APBB2: variants seen among roughly 807,000 people sequenced by gnomAD.
APBB2 encodes Fe65-like 1.
Under a neutral mutation model 82.5 loss-of-function variants are expected in APBB2, and 38 were observed. The observed-to-expected ratio is 0.46, with a 90% CI of 0.36 to 0.60. The LOEUF is 0.60. Among genes scored for constraint, APBB2 ranks in the 20% least tolerant of loss-of-function variants. The pLI is 0.00. For synonymous variants in APBB2, 341 were observed against 368.2 expected (o/e 0.93, Z 0.85); for missense variants, 772 against 972.3 (o/e 0.79, Z 2.74).
intron 10 of APBB2, among the ~76,000 whole-genome samples, chr4:40,899,656 C>T (rs912153192): frequency 5.9e-5 from 9 of 152,222 alleles, no homozygotes; most frequent in East Asian, 1.9e-4. Flanking sequence ...ATATGGACTT[C>T]GTTCTCTCTG....
rs181886492 is a variant in APBB2, at chr4:40,862,304, A to G, written c.1529+28060T>C. On this transcript the variant is annotated intron_variant, in intron 12 of 17. Coordinates refer to ENST00000508593, the MANE Select transcript of APBB2 (RefSeq NM_004307.2). Reference sequence around the variant, plus strand: ...GAGAACATGCTACTAAAATACATAGATATGAATTTGAACTATCCTTAAATA... The same window carrying G: ...GAGAACATGCTACTAAAATACATAGGTATGAATTTGAACTATCCTTAAATA... Among the ~76,000 whole-genome samples, 19 of 152,372 alleles carry G rather than the reference A, an allele frequency of 1.2e-4. No individual in the cohort carries two copies. The East Asian group carries it at 3.1e-3, about 25-fold the overall frequency.
chr4:40,993,372 T>C (rs1333916944), intron 6 of APBB2, among the ~76,000 whole-genome samples: 2 of 150,814 alleles, frequency 1.3e-5, no homozygotes, highest in Non-Finnish European at 3.0e-5. Context: ...TTTTTTTTTT[T>C]TTTTTTTTTT....
chr4:40,990,154 G>T (rs1801611446), intron 6 of APBB2: 1 of 152,166 alleles, frequency 6.6e-6, no homozygotes, highest in Admixed American at 6.5e-5. Flanking sequence ...AGTGGAAGGG[G>T]TCTATGGCCA....
intron 6 of APBB2, among the ~76,000 whole-genome samples, chr4:41,006,973 C>T (rs9993195): frequency 0.2 from 30,864 of 152,078 alleles, 3,521 homozygotes; most frequent in Non-Finnish European, 0.26. Flanking sequence ...TTGTGACTCT[C>T]GCTCTCATCA....
In APBB2 at chr4:41,127,180, A is replaced by G. The variant is rs1240148600; in HGVS notation, c.-261+15807T>C. On this transcript the variant is annotated intron_variant, in intron 2 of 17. Coordinates refer to ENST00000508593, the MANE Select transcript of APBB2 (RefSeq NM_004307.2). The surrounding 1 kb of genome is among the most constrained non-coding windows in gnomAD (Gnocchi z 4.8). ...GACACCCTGATTTTGATTACAAAAA[A>G]AAAAAGCAACATATCTTTTTCACTG... 6.6e-6 allele frequency among the ~76,000 whole-genome samples: 1 copy of G among 152,240 alleles called. No homozygotes were observed. Among genetic ancestry groups the G allele is most frequent in the East Asian group, 1.9e-4 (1 of 5,204 alleles).
At chr4:40,920,319 G>A (rs1780928633) in intron 10 of APBB2, among the ~76,000 whole-genome samples, 1 of 152,214 alleles carries the variant, frequency 6.6e-6, no homozygotes, top group South Asian at 2.1e-4. Flanking sequence ...CCCCAGCCAT[G>A]TGGAACAGTG....
At position 40,937,811 on chromosome 4, in the gene APBB2, C is replaced by T. The variant is rs564662968; in HGVS notation, c.1045-2672G>A. On this transcript the variant is annotated intron_variant, in intron 7 of 17. Transcript: ENST00000508593. ...ACTTTGTCTTAAATTTTAAGAATTA[C>T]ATGGTCTATTCATCTAACTTTTTTA... Among the ~76,000 whole-genome samples the T allele has an allele frequency of 5.3e-5, 8 of 152,322 alleles. No homozygotes were observed. The East Asian group carries it at 1.5e-3, about 29-fold the overall frequency.
chr4:41,014,173 G>C lies in APBB2; in HGVS notation c.245C>G (p.Ser82Trp). ...LTNIQAAMGL[S>W]DPAAQPLLGN... Reference sequence around the variant, plus strand: ...CAGCAGGGGCTGTGCAGCTGGATCCGAGAGGCCCATGGCCGCCTGGATGTT... The same window carrying C: ...CAGCAGGGGCTGTGCAGCTGGATCCCAGAGGCCCATGGCCGCCTGGATGTT... Residue 82 changes from serine to tryptophan, a missense_variant, in exon 6 of 18, where the codon TCG becomes TGG. Transcript: ENST00000508593. The C allele has an allele frequency of 6.2e-7, 1 of 1,614,206 alleles. No homozygotes were observed. The highest frequency in any genetic ancestry group is 8.5e-7 in the Non-Finnish European group (1 of 1,180,030).
At chr4:41,057,408 G>A (rs12507094) in intron 4 of APBB2, among the ~76,000 whole-genome samples, 31,846 of 152,166 alleles carry the variant, frequency 0.21, 4,318 homozygotes, top group East Asian at 0.54. Flanking sequence ...CCGAGATAGC[G>A]CTATTGCACT....
At chr4:41,204,597 A>T (rs1449430370) in intron 1 of APBB2, among the ~76,000 whole-genome samples, 1 of 152,232 alleles carries the variant, frequency 6.6e-6, no homozygotes. Flanking sequence ...TATTTCTCCC[A>T]GTAATACGTA....
In APBB2 at chr4:40,811,106, C is replaced by G. The variant is rs950958708; in HGVS notation, c.*4986G>C. 1 of 152,184 alleles carries G rather than the reference C, an allele frequency of 6.6e-6. No individual in the cohort carries two copies. The highest frequency in any genetic ancestry group is 2.4e-5 in the African/African-American group (1 of 41,428). 9.4% of individuals were successfully genotyped at this position (152,184 alleles called of 1,614,324 possible). A position where few individuals can be genotyped will look rare whatever the true frequency, so the allele number is the denominator to read the frequency against. On this transcript the variant is annotated 3_prime_UTR_variant, in exon 18 of 18. Coordinates refer to ENST00000508593, the MANE Select transcript of APBB2 (RefSeq NM_004307.2). ...TGTTGCCACTTACATTGATTATCTCCTAACATGCATTTGGCACTAAATTAT... is the reference window on the plus strand; with the variant it reads ...TGTTGCCACTTACATTGATTATCTCGTAACATGCATTTGGCACTAAATTAT...
chr4:40,896,338 C>T (rs1189592708), intron 10 of APBB2, among the ~76,000 whole-genome samples: 2 of 152,234 alleles, frequency 1.3e-5, no homozygotes, highest in South Asian at 2.1e-4. Context: ...GCTGGGATTA[C>T]AGGCGTAAGC....
chr4:41,138,947 T>C (rs572821869), intron 2 of APBB2, among the ~76,000 whole-genome samples: 1 of 152,218 alleles, frequency 6.6e-6, no homozygotes, highest in Non-Finnish European at 1.5e-5. Context: ...TAGCTACAAA[T>C]ACTTTGAAAA....
intron 6 of APBB2, among the ~76,000 whole-genome samples, chr4:40,947,520 G>A (rs1788779600): frequency 6.6e-6 from 1 of 152,206 alleles, no homozygotes; most frequent in African/African-American, 2.4e-5. Context: ...ATCATGAGAG[G>A]AACTTTATGC....
chr4:41,002,801 T>C (rs1187199468), intron 6 of APBB2, among the ~76,000 whole-genome samples: 4 of 152,232 alleles, frequency 2.6e-5, no homozygotes, highest in Admixed American at 6.5e-5. Flanking sequence ...CGTTCTTCAG[T>C]ATTGCTGTTT....
intron 12 of APBB2, among the ~76,000 whole-genome samples, chr4:40,866,829 T>C (rs1296200996): frequency 2.0e-5 from 3 of 152,186 alleles, no homozygotes; most frequent in African/African-American, 7.2e-5. Flanking sequence ...GCAATTCTCC[T>C]GCCTCAGCCT....
rs118056027 is a variant in APBB2 at position 41,082,140 on chromosome 4, G to A, written c.-148-16467C>T. 6.9e-3 allele frequency among the ~76,000 whole-genome samples: 1,051 copies of A among 152,200 alleles called. 13 individuals carry two copies. The highest frequency in any genetic ancestry group is 0.034 in the East Asian group (177 of 5,176). ...AAGGAAGTTATGGATAGGTCAGGAG[G>A]GGCCATTTTCTGTCAGATAAACCTA... On this transcript the variant is annotated intron_variant, in intron 3 of 17. Transcript: ENST00000508593.
At chr4:41,112,609 C>CA (rs1420312018) in intron 2 of APBB2, among the ~76,000 whole-genome samples, 3 of 152,192 alleles carry the variant, frequency 2.0e-5, no homozygotes, top group Non-Finnish European at 4.4e-5. Context: ...TATGAAATTC[C>CA]ACTAAGGTTG....
chr4:40,969,993 A>T (rs1484187117), intron 6 of APBB2, among the ~76,000 whole-genome samples: 1 of 152,252 alleles, frequency 6.6e-6, no homozygotes, highest in Non-Finnish European at 1.5e-5. Flanking sequence ...TTTTCAAAAC[A>T]TATCCTGCCC....
Sources: allele counts gnomAD v4.1 joint callset (sites outside exome capture counted in the v4.1 genomes callset), GRCh38; gene constraint gnomAD v4.1.1; non-coding constraint Gnocchi (gnomAD v3.1); transcripts MANE v1.5; gene names NCBI Gene and HGNC (gene_info 2026-07-23, HGNC 2026-07-21).